IFT56: variants seen among roughly 807,000 people sequenced by gnomAD.
IFT56 encodes intraflagellar transport 56.
the IFT56 span, among the ~76,000 whole-genome samples, chr7:139,175,248 GTA>G: frequency 1.3e-5 from 2 of 152,070 alleles, no homozygotes; most frequent in Non-Finnish European, 2.9e-5. Flanking sequence ...CACCTACTAT[GTA>G]TGTGTGCTAA....
the IFT56 span, among the ~76,000 whole-genome samples, chr7:139,185,417 A>G: frequency 6.6e-6 from 1 of 152,062 alleles, no homozygotes; most frequent in Non-Finnish European, 1.5e-5. Context: ...ATCTTTGTCC[A>G]TGGATCTATA....
chr7:139,172,576 C>T, the IFT56 span: 3 of 563,626 alleles, frequency 5.3e-6, no homozygotes, highest in Middle Eastern at 3.9e-4. Flanking sequence ...CACAAGCTGA[C>T]TCTGGGAAAA....
chr7:139,189,125 A>G, the IFT56 span, among the ~76,000 whole-genome samples: 5 of 152,224 alleles, frequency 3.3e-5, no homozygotes, highest in African/African-American at 9.7e-5. Context: ...GATTTCACAT[A>G]ATTTCCATTT....
chr7:139,144,839 A>G, the IFT56 span, among the ~76,000 whole-genome samples: 2 of 152,038 alleles, frequency 1.3e-5, no homozygotes, highest in East Asian at 3.9e-4. Context: ...TTTTAATTTA[A>G]TTTCTTAAAT....
the IFT56 span, among the ~76,000 whole-genome samples, chr7:139,154,680 C>A: frequency 0.038 from 5,754 of 152,250 alleles, 404 homozygotes; most frequent in Admixed American, 0.19. Context: ...GGACTCAGTT[C>A]TCTTCCATTG....
At chr7:139,172,659 C>T in the IFT56 span, 2 of 613,336 alleles carry the variant, frequency 3.3e-6, no homozygotes, top group Admixed American at 3.7e-5. Context: ...AGATTTTTCT[C>T]AGAAAAGGAC....
chr7:139,141,051 G>C, the IFT56 span, among the ~76,000 whole-genome samples: 1 of 151,330 alleles, frequency 6.6e-6, no homozygotes, highest in Non-Finnish European at 1.5e-5. Flanking sequence ...ACGAGGTCAG[G>C]AGATCGAGAC....
chr7:139,146,543 G>A, the IFT56 span, among the ~76,000 whole-genome samples: 3 of 152,054 alleles, frequency 2.0e-5, no homozygotes, highest in African/African-American at 4.8e-5. Context: ...TGAGGTGGGC[G>A]GATCACGACG....
At chr7:139,187,099 T>TAAAAA in the IFT56 span, among the ~76,000 whole-genome samples, 1 of 48,242 alleles carries the variant, frequency 2.1e-5, no homozygotes, top group Non-Finnish European at 2.9e-5. Context: ...AGACTCCGTC[T>TAAAAA]CAAAAAAAAA....
the IFT56 span, among the ~76,000 whole-genome samples, chr7:139,157,427 G>A: frequency 6.6e-6 from 1 of 150,768 alleles, no homozygotes; most frequent in Non-Finnish European, 1.5e-5. Context: ...GATTACAGGT[G>A]TGAGCCACCG....
At chr7:139,139,162 G>C in the IFT56 span, among the ~76,000 whole-genome samples, 1 of 152,146 alleles carries the variant, frequency 6.6e-6, no homozygotes. Flanking sequence ...CAAATTTGAA[G>C]AACGTTCATA....
chr7:139,148,509 A>G, the IFT56 span: 3 of 772,280 alleles, frequency 3.9e-6, no homozygotes, highest in Non-Finnish European at 6.1e-6. Flanking sequence ...CTGTGATTCT[A>G]TAAGAACCTA....
the IFT56 span, chr7:139,179,621 C>T: frequency 1.2e-6 from 2 of 1,613,860 alleles, no homozygotes; most frequent in South Asian, 1.1e-5. Flanking sequence ...ATTACATTTA[C>T]CTCAGCTGGT....
the IFT56 span, among the ~76,000 whole-genome samples, chr7:139,179,121 TATAATCCCA>T: frequency 2.0e-5 from 3 of 152,232 alleles, no homozygotes; most frequent in African/African-American, 7.2e-5. Flanking sequence ...GGCTCACACC[TATAATCCCA>T]ACATTTCAGA....
At chr7:139,179,710 C>A in the IFT56 span, 2 of 1,288,606 alleles carry the variant, frequency 1.6e-6, no homozygotes, top group South Asian at 1.3e-5. Context: ...ATAATCTGTT[C>A]GGAAATGACA....
the IFT56 span, chr7:139,173,065 C>T: frequency 2.2e-4 from 158 of 732,296 alleles, 2 homozygotes; most frequent in South Asian, 2.0e-3. Flanking sequence ...CTCAGCTTTG[C>T]GCCTTTTGTG....
At chr7:139,187,321 T>C in the IFT56 span, 95,549 of 1,512,142 alleles carry the variant, frequency 0.063, 9,022 homozygotes, top group Admixed American at 0.3. Flanking sequence ...TTTCATACAG[T>C]CCCGTTTCAT....
At chr7:139,135,573 T>A in the IFT56 span, among the ~76,000 whole-genome samples, 1 of 152,240 alleles carries the variant, frequency 6.6e-6, no homozygotes, top group Admixed American at 6.5e-5. Flanking sequence ...TACATTGGAA[T>A]TACCTAGGGT....
At chr7:139,137,243 TTTGTTCACAATGGAC>T in the IFT56 span, among the ~76,000 whole-genome samples, 3 of 152,376 alleles carry the variant, frequency 2.0e-5, no homozygotes, top group South Asian at 2.1e-4. Context: ...TTCATAAATA[TTTGTTCACAATGGAC>T]ATAAGTGAGG....
Sources: gnomAD v4.1 joint callset for allele counts (sites outside exome capture counted in the v4.1 genomes callset) on GRCh38, gnomAD v4.1.1 for gene constraint, MANE v1.5 for transcripts, NCBI Gene and HGNC (gene_info 2026-07-23, HGNC 2026-07-21) for gene names.